The following TPX2 variants were observed in gnomAD, a reference collection of about 807,000 sequenced individuals.
TPX2 encodes TPX2 microtubule nucleation factor.
A neutral mutation model predicts 93.6 loss-of-function variants in TPX2; 21 were observed. That is an observed-to-expected ratio of 0.22 (90% CI 0.16 to 0.32). The LOEUF (loss-of-function observed/expected upper bound fraction) is 0.32. TPX2 is among the 10% of genes least tolerant of loss of function. The pLI is 1.00. For missense variants in TPX2, 776 were observed against 871.1 expected (o/e 0.89, Z 1.37); for synonymous variants, 281 against 298.3 (o/e 0.94, Z 0.60).
At position 31,776,050 on chromosome 20, in the gene TPX2, G is replaced by GTTTTT. The variant is rs10528470; in HGVS notation, c.730+99_730+103dup. The GTTTTT allele has an allele frequency of 7.4e-4, 246 of 331,378 alleles. 54 individuals are homozygous for GTTTTT. Among genetic ancestry groups the GTTTTT allele is most frequent in the Admixed American group, 1.5e-3 (11 of 7,572 alleles). The allele number at this position is 331,378 out of a possible 1,614,324, so 20.5% of individuals were successfully genotyped here. On this transcript the variant is annotated intron_variant, in intron 8 of 17. Transcript: ENST00000300403. ...GTGGTTCTTAACACTCTTGGTAGGT[G>GTTTTT]TTTTTTTTTTTTTTTTTTTTTTTTT... is the stretch of plus-strand genomic sequence containing the variant.
intron 2 of TPX2, among the ~76,000 whole-genome samples, chr20:31,757,058 G>A (rs1312034648): frequency 6.6e-6 from 1 of 152,078 alleles, no homozygotes; most frequent in Non-Finnish European, 1.5e-5. Context: ...TTTAGAGACA[G>A]GGTCAACTGT....
chr20:31,747,575 A>G (rs190315447), intron 2 of TPX2, among the ~76,000 whole-genome samples: 96 of 152,324 alleles, frequency 6.3e-4, no homozygotes, highest in Admixed American at 6.0e-3. Context: ...TAATTGGTTC[A>G]TAGCATACAG....
chr20:31,750,002 A>T (rs1167852439), intron 2 of TPX2, among the ~76,000 whole-genome samples: 1 of 151,914 alleles, frequency 6.6e-6, no homozygotes, highest in East Asian at 1.9e-4. Context: ...CAGTGGCACG[A>T]TCTTGGCTCA....
chr20:31,786,914 T>TA (rs1486305011), intron 12 of TPX2, among the ~76,000 whole-genome samples: 2 of 152,154 alleles, frequency 1.3e-5, no homozygotes, highest in African/African-American at 2.4e-5. Context: ...ACCGAATTGA[T>TA]ACGATTTGCG....
intron 2 of TPX2, among the ~76,000 whole-genome samples, chr20:31,746,566 A>G (rs957523667): frequency 8.5e-5 from 13 of 152,336 alleles, no homozygotes; most frequent in African/African-American, 3.1e-4. Flanking sequence ...TCTCTTTAAT[A>G]GAAATAGGCA....
intron 3 of TPX2, among the ~76,000 whole-genome samples, chr20:31,757,928 T>C (rs139934657): frequency 7.9e-5 from 12 of 152,282 alleles, no homozygotes; most frequent in Non-Finnish European, 1.3e-4. Flanking sequence ...TCATTAGGGA[T>C]AGATTATATC....
chr20:31,764,125 T>G (rs2061909344), intron 4 of TPX2, among the ~76,000 whole-genome samples: 1 of 151,572 alleles, frequency 6.6e-6, no homozygotes, highest in African/African-American at 2.4e-5. Context: ...TATGTGTGTA[T>G]ATATGTACAT....
At chr20:31,794,262 C>T in intron 14 of TPX2, 140 bp from the exon 15 acceptor site, 1 of 1,254,286 alleles carries the variant, frequency 8.0e-7, no homozygotes. Context: ...CCTAGATTTC[C>T]TTTTGAACCC....
intron 2 of TPX2, among the ~76,000 whole-genome samples, chr20:31,754,561 A>T (rs1275108521): frequency 5.3e-5 from 8 of 152,126 alleles, no homozygotes; most frequent in Non-Finnish European, 1.2e-4. Context: ...GAGTTTGGGG[A>T]ACTGGCACAC....
At chr20:31,779,515 A>AT (rs2062020686) in intron 10 of TPX2, among the ~76,000 whole-genome samples, 1 of 152,226 alleles carries the variant, frequency 6.6e-6, no homozygotes. Context: ...GTAGTGACCT[A>AT]TTTATCTCTG....
Position 31,775,861 on chromosome 20 carries a change from C to T in TPX2, c.609-6C>T, listed in dbSNP as rs200349613. ...CTCTCTTCTCATTTACTGATTTTCT[C>T]TTTAGGCAGAAGTTTCTAAAAAGTA... On this transcript the variant is annotated splice_polypyrimidine_tract_variant and splice_region_variant and intron_variant, in intron 7 of 17. Transcript: ENST00000300403. The T allele has an allele frequency of 1.1e-3, 1,655 of 1,552,704 alleles. 17 individuals carry two copies. Among genetic ancestry groups the T allele is most frequent in the Non-Finnish European group, 4.0e-4 (455 of 1,150,206 alleles).
Position 31,749,989 on chromosome 20 carries a change from G to A in TPX2, c.-71+7342G>A, listed in dbSNP as rs190220466. Among the ~76,000 whole-genome samples, 821 of 151,880 alleles carry A rather than the reference G, an allele frequency of 5.4e-3. 10 individuals are homozygous for A. The highest frequency in any genetic ancestry group is 0.018 in the African/African-American group (752 of 41,446). On this transcript the variant is annotated intron_variant, in intron 2 of 17. Transcript: ENST00000300403. Reference sequence around the variant, plus strand: ...AGTCTTACTCTGTTGCCAGGCTGGAGTGCAGTGGCACGATCTTGGCTCACT... The same window carrying A: ...AGTCTTACTCTGTTGCCAGGCTGGAATGCAGTGGCACGATCTTGGCTCACT...
At chr20:31,767,814 A>G in intron 5 of TPX2, among the ~76,000 whole-genome samples, 1 of 152,024 alleles carries the variant, frequency 6.6e-6, no homozygotes, top group South Asian at 2.1e-4. Flanking sequence ...TGCCTCCCAA[A>G]GTGTTAGGAT....
chr20:31,775,838 C>G lies in TPX2; in HGVS notation c.609-29C>G. 5 of 1,507,684 alleles carry G rather than the reference C, an allele frequency of 3.3e-6. No individual in the cohort carries two copies. The South Asian group carries it at 6.9e-5, about 21-fold the overall frequency. 93.4% of individuals were successfully genotyped at this position (1,507,684 alleles called of 1,614,324 possible). A position where few individuals can be genotyped will look rare whatever the true frequency, so the allele number is the denominator to read the frequency against. On this transcript the variant is annotated intron_variant, in intron 7 of 17. Coordinates refer to ENST00000300403, the MANE Select transcript of TPX2 (RefSeq NM_012112.5). ...TCACTGGGTGCCTTTCTCCTCTCCT[C>G]TCTTCTCATTTACTGATTTTCTCTT...
At position 31,797,389 on chromosome 20, in the gene TPX2, C is replaced by T. The variant is rs6058463; in HGVS notation, c.1834-15C>T. 0.21 allele frequency: 346,693 copies of T among 1,612,856 alleles called. 43,100 individuals are homozygous for T. The highest frequency in any genetic ancestry group is 0.48 in the African/African-American group (36,188 of 74,838). On this transcript the variant is annotated splice_polypyrimidine_tract_variant and intron_variant, in intron 15 of 17. Coordinates refer to ENST00000300403, the MANE Select transcript of TPX2 (RefSeq NM_012112.5). ...GGTGAGACATTGCTCATCTGACTGA[C>T]TTTCTCTCTAATAGCTGGAAGAAGA...
chr20:31,770,771 G>C (rs548204052), intron 6 of TPX2, among the ~76,000 whole-genome samples: 1 of 152,046 alleles, frequency 6.6e-6, no homozygotes, highest in Non-Finnish European at 1.5e-5. Context: ...ATTTTTATTA[G>C]TTAAGAATGT....
At chr20:31,786,463 G>A (rs1200023640) in intron 12 of TPX2, among the ~76,000 whole-genome samples, 1 of 150,374 alleles carries the variant, frequency 6.7e-6, no homozygotes, top group Non-Finnish European at 1.5e-5. Flanking sequence ...AAATGTAGTG[G>A]TGTAATCTCA....
chr20:31,794,210 C>T (rs1265977828), intron 14 of TPX2, among the ~76,000 whole-genome samples, 186 bp downstream of exon 14: 1 of 152,150 alleles, frequency 6.6e-6, no homozygotes, highest in African/African-American at 2.4e-5. Flanking sequence ...AGTGACTTGC[C>T]TCTGATCACA....
rs752342592 is a variant in TPX2 at position 31,782,285 on chromosome 20, G to T, written c.1091G>T (p.Cys364Phe). Residue 364 changes from cysteine to phenylalanine, a missense_variant, in exon 11 of 18, where the codon TGC becomes TTC. This residue lies in a region of TPX2 where 461 missense variants were observed against 551.2 expected (regional missense o/e 0.84). Coordinates refer to ENST00000300403, the MANE Select transcript of TPX2 (RefSeq NM_012112.5). ...LPSKSSVTKI[C>F]RDPQTPVLQT... ...TCCAAATCTTCTGTGACCAAGATTTGCAGAGACCCACAGACTCCTGTACTG... is the reference window on the plus strand; with the variant it reads ...TCCAAATCTTCTGTGACCAAGATTTTCAGAGACCCACAGACTCCTGTACTG... 2.1e-5 allele frequency: 34 copies of T among 1,613,154 alleles called. No individual in the cohort carries two copies. The highest frequency in any genetic ancestry group is 2.7e-5 in the Non-Finnish European group (32 of 1,179,674).
Sources: gnomAD v4.1 joint callset for allele counts (sites outside exome capture counted in the v4.1 genomes callset) on GRCh38, gnomAD v4.1.1 for gene constraint, gnomAD v4.1.1 regional missense constraint, MANE v1.5 for transcripts, NCBI Gene and HGNC (gene_info 2026-07-23, HGNC 2026-07-21) for gene names.